Variants in KDM6A observed in about 807,000 individuals in gnomAD.
KDM6A encodes the protein lysine demethylase 6A.
In KDM6A, 11 loss-of-function variants were observed where a neutral mutation model predicts 117.6. The ratio of observed to expected loss-of-function variants is 0.09; its 90% CI spans 0.06 to 0.15. KDM6A has a LOEUF of 0.15. Among genes scored for constraint, KDM6A ranks in the 10% least tolerant of loss-of-function variants. The pLI, the probability that KDM6A is intolerant of heterozygous loss-of-function variation, is 1.00. For missense variants in KDM6A, 799 were observed against 1,077.3 expected (o/e 0.74, Z 3.62); for synonymous variants, 384 against 396.1 (o/e 0.97, Z 0.36).
intron 6 of KDM6A, among the ~76,000 whole-genome samples, chrX:45,030,037 G>A (rs2042541260): frequency 9.0e-6 from 1 of 111,106 alleles, no homozygotes; most frequent in South Asian, 3.8e-4. Flanking sequence ...GACTTGATGT[G>A]GGAAGAGATT....
intron 2 of KDM6A, among the ~76,000 whole-genome samples, chrX:44,932,444 T>A (rs948305097): frequency 9.0e-6 from 1 of 111,232 alleles, no homozygotes; most frequent in African/African-American, 3.3e-5. Flanking sequence ...TTATTTGTGT[T>A]CCAATGATAT....
chrX:45,061,379 A>C lies in KDM6A; in HGVS notation c.1541A>C (p.Gln514Pro). The change falls in exon 15 of 30, where the codon CAA (glutamine) becomes CCA (proline). Residue 514 changes from glutamine to proline, a missense_variant. By Grantham distance (76) the Gln-to-Pro change is moderately conservative. Transcript: ENST00000611820. ...GCTGTGTCACATCCTCCAGTACAGC[A>C]ACAAGCTCATTCATGGTGTTTGACA... ...GHAVSHPPVQQQAHSWCLTPQ... is the reference protein window; with the variant it reads ...GHAVSHPPVQPQAHSWCLTPQ... 1.7e-6 allele frequency: 2 copies of C among 1,180,841 alleles called. No homozygotes were observed. The highest frequency in any genetic ancestry group is 2.3e-6 in the Non-Finnish European group (2 of 869,544).
At chrX:45,071,480 T>C (rs1002458646) in intron 18 of KDM6A, among the ~76,000 whole-genome samples, 4 of 112,066 alleles carry the variant, frequency 3.6e-5, no homozygotes, top group African/African-American at 9.7e-5. Context: ...TCAGATTATT[T>C]TATTAGAAGG....
At chrX:44,942,662 ATC>A (rs1445877178) in intron 2 of KDM6A, among the ~76,000 whole-genome samples, 3 of 109,403 alleles carry the variant, frequency 2.7e-5, no homozygotes, top group Non-Finnish European at 5.7e-5. Context: ...TGGCCTTTAT[ATC>A]TCTATATAAA....
chrX:44,930,721 C>T (rs1043034310), intron 2 of KDM6A, among the ~76,000 whole-genome samples: 3 of 111,719 alleles, frequency 2.7e-5, no homozygotes, highest in African/African-American at 6.5e-5. Flanking sequence ...TTGAAAGATA[C>T]GCACTTTTAA....
chrX:45,028,835 A>G (rs746189967), intron 6 of KDM6A, among the ~76,000 whole-genome samples: 2 of 112,465 alleles, frequency 1.8e-5, no homozygotes, highest in South Asian at 7.4e-4. Flanking sequence ...CCTGAGTTCT[A>G]TAACGTGCCT....
At chrX:45,054,981 T>C (rs1259526108) in intron 10 of KDM6A, among the ~76,000 whole-genome samples, 2 of 111,443 alleles carry the variant, frequency 1.8e-5, no homozygotes, top group African/African-American at 6.5e-5. Flanking sequence ...CATCCTACAA[T>C]GCGCAGGACA....
intron 2 of KDM6A, among the ~76,000 whole-genome samples, chrX:44,944,252 C>T (rs1254185384): frequency 3.6e-5 from 4 of 110,487 alleles, no homozygotes; most frequent in African/African-American, 1.3e-4. Flanking sequence ...CTTGGGAGGC[C>T]GAGGCTGGAG....
At chrX:45,062,810 A>G (rs1400372502) in intron 16 of KDM6A, 62 bp downstream of exon 16, 2 of 711,768 alleles carry the variant, frequency 2.8e-6, no homozygotes, top group African/African-American at 4.2e-5. Context: ...ATTGACTCTA[A>G]TGTCATTTTA....
chrX:44,937,233 G>A (rs2037022017), intron 2 of KDM6A, among the ~76,000 whole-genome samples: 1 of 110,942 alleles, frequency 9.0e-6, no homozygotes, highest in Non-Finnish European at 1.9e-5. Flanking sequence ...CAATGGATTA[G>A]AGAAACATAA....
At chrX:45,103,915 T>C (rs145968359) in intron 27 of KDM6A, among the ~76,000 whole-genome samples, 93 of 112,765 alleles carry the variant, frequency 8.2e-4, no homozygotes, top group African/African-American at 2.8e-3. Context: ...GTTGAAATCA[T>C]TTTTGACCTT....
chrX:44,967,155 C>G (rs1271326625), intron 3 of KDM6A, among the ~76,000 whole-genome samples: 1 of 111,701 alleles, frequency 9.0e-6, no homozygotes, highest in Admixed American at 9.5e-5. Context: ...CAGGCGTGAG[C>G]CACCGCACCT....
intron 2 of KDM6A, among the ~76,000 whole-genome samples, chrX:44,947,604 C>A (rs949426831): frequency 1.8e-5 from 2 of 110,342 alleles, no homozygotes; most frequent in Non-Finnish European, 1.9e-5. Flanking sequence ...TCTCGATCTC[C>A]TGACCTCATG....
chrX:44,883,243 T>C, intron 2 of KDM6A, among the ~76,000 whole-genome samples: 1 of 109,858 alleles, frequency 9.1e-6, no homozygotes, highest in Non-Finnish European at 1.9e-5. Flanking sequence ...TACTTTTTTG[T>C]ATTTTTTTGT....
In KDM6A at chrX:45,035,002, A is replaced by G; in HGVS notation, c.619+17A>G. Reference sequence around the variant, plus strand: ...ATGCTGAAAGTAAGTATTATTAAGTACTGTAGTTTTCTACATGTATTCCGA... The same window carrying G: ...ATGCTGAAAGTAAGTATTATTAAGTGCTGTAGTTTTCTACATGTATTCCGA... On this transcript the variant is annotated intron_variant, in intron 7 of 29. Transcript: ENST00000611820. 1 of 1,120,498 alleles carries G rather than the reference A, an allele frequency of 8.9e-7. No individual in the cohort carries two copies. Among genetic ancestry groups the G allele is most frequent in the African/African-American group, 1.8e-5 (1 of 56,226 alleles). The allele number at this position is 1,120,498 out of a possible 1,213,427, so 92.3% of individuals were successfully genotyped here. A position where few individuals can be genotyped will look rare whatever the true frequency, so the allele number is the denominator to read the frequency against.
chrX:44,934,900 G>T (rs2036879797), intron 2 of KDM6A, among the ~76,000 whole-genome samples: 1 of 111,775 alleles, frequency 8.9e-6, no homozygotes, highest in African/African-American at 3.2e-5. Flanking sequence ...ATAAACCAAT[G>T]CATGGAGCTA....
At position 45,082,533 on chromosome X, in the gene KDM6A, G is replaced by A. The variant is rs1467928288; in HGVS notation, c.3301-43G>A. ...AGTTGTATGGTGGAAAGGATTGCCA[G>A]TTGTAGAACACTAAACTAGACTGCT... On this transcript the variant is annotated intron_variant, in intron 21 of 29. Coordinates refer to ENST00000611820, the MANE Select transcript of KDM6A (RefSeq NM_001291415.2). 4 of 903,623 alleles carry A rather than the reference G, an allele frequency of 4.4e-6. No individual in the cohort carries two copies. In the East Asian group the frequency reaches 9.3e-5, roughly 21 times the overall value. The allele number at this position is 903,623 out of a possible 1,213,427, so 74.5% of individuals were successfully genotyped here.
intron 27 of KDM6A, among the ~76,000 whole-genome samples, chrX:45,094,518 C>G (rs942874662): frequency 8.9e-6 from 1 of 111,819 alleles, no homozygotes; most frequent in Non-Finnish European, 1.9e-5. Context: ...AGCACAGTTA[C>G]GTTTTCATCC....
intron 6 of KDM6A, among the ~76,000 whole-genome samples, chrX:45,032,115 A>G (rs756989315): frequency 8.1e-5 from 9 of 111,584 alleles, no homozygotes; most frequent in African/African-American, 1.3e-4. Flanking sequence ...GTTTGTATAT[A>G]GTCTTTGAAC....
Sources: allele counts gnomAD v4.1 joint callset (sites outside exome capture counted in the v4.1 genomes callset), GRCh38; gene constraint gnomAD v4.1.1; transcripts MANE v1.5; gene names NCBI Gene and HGNC (gene_info 2026-07-23, HGNC 2026-07-21).